The following PFKFB3 variants were observed in gnomAD, a reference collection of about 807,000 sequenced individuals.
PFKFB3 encodes 6-phosphofructo-2-kinase/fructose-2,6-biphosphatase 3.
Under a neutral mutation model 68.0 loss-of-function variants are expected in PFKFB3, and 33 were observed. The observed-to-expected ratio is 0.49, with a 90% confidence interval of 0.37 to 0.65. The LOEUF (loss-of-function observed/expected upper bound fraction) is 0.65. Ranked by LOEUF, PFKFB3 falls within the 30% of genes least tolerant of loss-of-function variation. PFKFB3 has a pLI of 0.00. For synonymous variants in PFKFB3, 315 were observed against 288.2 expected, an observed-to-expected ratio of 1.09 and a Z score of -0.94; for missense variants, 586 against 712.2, an observed-to-expected ratio of 0.82 and a Z score of 2.02.
At chr10:6,254,613 G>A (rs1217327482) in exon 15 of PFKFB3, 5 of 337,880 alleles carry the variant, frequency 1.5e-5, no homozygotes, top group African/African-American at 8.4e-5. Flanking sequence ...TTCACTTTCA[G>A]TACAATGTTC....
intron 14 of PFKFB3, chr10:6,231,304 A>G: frequency 1.2e-6 from 2 of 1,612,014 alleles, no homozygotes; most frequent in Non-Finnish European, 1.7e-6. Context: ...TCTCCTTACT[A>G]ACTGTGGAAG....
At chr10:6,324,488 G>A in the PFKFB3 span, among the ~76,000 whole-genome samples, 5 of 152,176 alleles carry the variant, frequency 3.3e-5, no homozygotes, top group African/African-American at 7.2e-5. Flanking sequence ...GTGCAGTGGC[G>A]TGATCTCGGC....
chr10:6,226,354 C>T lies in PFKFB3; in HGVS notation c.1504C>T (p.Leu502=). ...SCLPPEVPTQ[L]PGQNMKGSRS... ...CCTGCCCCCGGAGGTGCCCACGCAG[C>T]TGCCTGGACAAGTCAGTGCACTCCC... is the stretch of plus-strand genomic sequence containing the variant. The change falls in exon 14 of 15, where the codon CTG becomes TTG. Residue 502 remains leucine, a synonymous_variant. Coordinates refer to ENST00000379775, the MANE Select transcript of PFKFB3 (RefSeq NM_004566.4). 6.2e-7 allele frequency: 1 copy of T among 1,612,262 alleles called. No individual in the cohort carries two copies.
chr10:6,225,116 G>A (rs1163717134), intron 13 of PFKFB3: 1 of 456,148 alleles, frequency 2.2e-6, no homozygotes, highest in Non-Finnish European at 4.4e-6. Flanking sequence ...CCTCTGCTCA[G>A]GTGGACGCGT....
At position 6,249,115 on chromosome 10, in the gene PFKFB3, G is replaced by A. The variant is rs547270989; in HGVS notation, c.1516-5063G>A. Among the ~76,000 whole-genome samples, 11 of 150,228 alleles carry A rather than the reference G, an allele frequency of 7.3e-5. No homozygotes were observed. The South Asian group carries it at 1.9e-3, about 26-fold the overall frequency. ...CTTGAACCCAGAAGGTGGAAGTTGCGGTGAGCTGAGATTGCGCCATTGCAC... is the reference window on the plus strand; with the variant it reads ...CTTGAACCCAGAAGGTGGAAGTTGCAGTGAGCTGAGATTGCGCCATTGCAC... On this transcript the variant is annotated intron_variant, in intron 14 of 14. Coordinates refer to the PFKFB3 transcript ENST00000640683.
In PFKFB3 at chr10:6,146,382, G is replaced by A. The variant is rs751323083; in HGVS notation, c.16+1369G>A. 5 of 1,535,452 alleles carry A rather than the reference G, an allele frequency of 3.3e-6. No homozygotes were observed. The African/African-American group carries it at 4.1e-5, about 13-fold the overall frequency. ...CCTGTCCCGTTGGGGTAGAGAGATGGGGGAGGGTGGCCAGAAGGAAGGTGA... is the reference window on the plus strand; with the variant it reads ...CCTGTCCCGTTGGGGTAGAGAGATGAGGGAGGGTGGCCAGAAGGAAGGTGA... On this transcript the variant is annotated intron_variant, in intron 1 of 14. Transcript: ENST00000379789.
At chr10:6,242,708 C>G (rs1025375341) in intron 14 of PFKFB3, among the ~76,000 whole-genome samples, 5 of 152,252 alleles carry the variant, frequency 3.3e-5, no homozygotes, top group South Asian at 2.1e-4. Context: ...CTGCCTCTGC[C>G]TCTCAGGTAG....
chr10:6,305,318 C>T, the PFKFB3 span, among the ~76,000 whole-genome samples: 1 of 142,642 alleles, frequency 7.0e-6, no homozygotes, highest in South Asian at 2.3e-4. Context: ...GCCACCATCT[C>T]TTACTATTGT....
At chr10:6,174,554 G>C (rs572597028) in intron 1 of PFKFB3, among the ~76,000 whole-genome samples, 18 of 152,324 alleles carry the variant, frequency 1.2e-4, no homozygotes, top group African/African-American at 4.3e-4. Context: ...AGGAGCTGGG[G>C]CTCGCTTGTC....
intron 1 of PFKFB3, among the ~76,000 whole-genome samples, chr10:6,159,968 A>G (rs1334200557): frequency 6.6e-6 from 1 of 151,422 alleles, no homozygotes; most frequent in Non-Finnish European, 1.5e-5. Context: ...CATCTTGCCC[A>G]GGCTGGTCTT....
rs974021182 is a variant in PFKFB3, at chr10:6,226,199, A to G, written c.1349A>G (p.Lys450Arg). The G allele has an allele frequency of 3.2e-6, 5 of 1,583,478 alleles. No homozygotes were observed. In the African/African-American group the frequency reaches 6.9e-5, roughly 22 times the overall value. ...TGTCTTTGTCTTGCTTAGGATGCAA[A>G]GAAGGGACCTAACCCGCTCATGAGA... ...CTHRERSEDAKKGPNPLMRRN... is the reference protein window; with the variant it reads ...CTHRERSEDARKGPNPLMRRN... Residue 450 changes from lysine (K) to arginine (R), a missense_variant, in exon 14 of 15, where the codon AAG becomes AGG. Transcript: ENST00000379775.
chr10:6,273,661 T>A, the PFKFB3 span, among the ~76,000 whole-genome samples: 1 of 152,178 alleles, frequency 6.6e-6, no homozygotes, highest in East Asian at 1.9e-4. Flanking sequence ...GAGAAAAGTC[T>A]TTCCAGAGGC....
At chr10:6,290,879 G>C in the PFKFB3 span, among the ~76,000 whole-genome samples, 1 of 151,936 alleles carries the variant, frequency 6.6e-6, no homozygotes, top group Admixed American at 6.6e-5. Flanking sequence ...TGAGCTTCCT[G>C]GTTTTGTGGT....
chr10:6,200,675 GCGGGGGGTGGTGGTGGGGC>G (rs1564613485), upstream of PFKFB3, among the ~76,000 whole-genome samples: 1 of 118,988 alleles, frequency 8.4e-6, no homozygotes, highest in Non-Finnish European at 1.9e-5. Context: ...GGGGGGGGGG[GCGGGGGGTGGTGGTGGGGC>G]GGGGATTGAG....
chr10:6,277,206 T>C, the PFKFB3 span, among the ~76,000 whole-genome samples: 1 of 151,916 alleles, frequency 6.6e-6, no homozygotes, highest in Non-Finnish European at 1.5e-5. Flanking sequence ...GGTTTCTTTT[T>C]CTTTCTTTCT....
chr10:6,193,532 C>T (rs948680195), intron 1 of PFKFB3, among the ~76,000 whole-genome samples: 1 of 152,188 alleles, frequency 6.6e-6, no homozygotes, highest in African/African-American at 2.4e-5. Flanking sequence ...TCTAAGTTGC[C>T]TGTAGTCCAG....
chr10:6,217,606 T>C (rs1333270789), intron 6 of PFKFB3, among the ~76,000 whole-genome samples: 1 of 152,182 alleles, frequency 6.6e-6, no homozygotes, highest in East Asian at 1.9e-4. Flanking sequence ...CAAAAGTCCA[T>C]AGGGCTCAGC....
chr10:6,209,847 CT>C (rs1165333970), intron 1 of PFKFB3, among the ~76,000 whole-genome samples: 5 of 146,078 alleles, frequency 3.4e-5, no homozygotes, highest in African/African-American at 7.6e-5. Context: ...TCACTGCAAG[CT>C]GCGCCTCCCA....
chr10:6,153,303 A>G (rs1250579602), intron 1 of PFKFB3, among the ~76,000 whole-genome samples: 1 of 152,248 alleles, frequency 6.6e-6, no homozygotes, highest in South Asian at 2.1e-4. Flanking sequence ...AGTCACTTCC[A>G]TAAGCTCTTC....
Sources: gnomAD v4.1 joint callset for allele counts (sites outside exome capture counted in the v4.1 genomes callset) on GRCh38, gnomAD v4.1.1 for gene constraint, MANE v1.5 for transcripts, NCBI Gene and HGNC (gene_info 2026-07-23, HGNC 2026-07-21) for gene names.